Variants in PCDH11X observed in about 807,000 individuals in gnomAD.
PCDH11X encodes protocadherin-11 X-linked.
Under a neutral mutation model 53.3 loss-of-function variants are expected in PCDH11X, and 18 were observed. The ratio of observed to expected loss-of-function variants is 0.34; its 90% CI spans 0.23 to 0.50. The LOEUF (loss-of-function observed/expected upper bound fraction) is 0.50. PCDH11X is among the 20% of genes least tolerant of loss of function. The pLI is 0.98. For synonymous variants in PCDH11X, 279 were observed against 393.3 expected, an observed-to-expected ratio of 0.71 and a Z score of 3.44; for missense variants, 570 against 1,032.4, an observed-to-expected ratio of 0.55 and a Z score of 6.14.
chrX:92,395,174 A>G (rs1254981743), intron 9 of PCDH11X, among the ~76,000 whole-genome samples: 1 of 111,097 alleles, frequency 9.0e-6, no homozygotes, highest in African/African-American at 3.3e-5. Flanking sequence ...AAATGTTTGT[A>G]TGTTATCTAA....
intron 8 of PCDH11X, among the ~76,000 whole-genome samples, chrX:92,383,676 T>C (rs1236461289): frequency 1.8e-5 from 2 of 111,952 alleles, no homozygotes; most frequent in African/African-American, 6.5e-5. Flanking sequence ...TATGGCTGCA[T>C]AGTATTCCAT....
intron 10 of PCDH11X, among the ~76,000 whole-genome samples, chrX:92,487,810 T>G (rs1490626264): frequency 1.8e-5 from 2 of 111,429 alleles, no homozygotes; most frequent in African/African-American, 6.5e-5. Flanking sequence ...CATTTTTGTC[T>G]GTGAATCCAT....
intron 10 of PCDH11X, among the ~76,000 whole-genome samples, chrX:92,559,394 G>C (rs2145186): frequency 9.1e-6 from 1 of 109,998 alleles, no homozygotes; most frequent in South Asian, 3.9e-4. Context: ...TATAAGCCTA[G>C]GCTGTTTATC....
At chrX:91,895,780 A>G (rs1179294427) in intron 6 of PCDH11X, among the ~76,000 whole-genome samples, 1 of 107,526 alleles carries the variant, frequency 9.3e-6, no homozygotes, top group African/African-American at 3.3e-5. Flanking sequence ...TATGTGTATC[A>G]TATATTCATT....
chrX:92,008,182 A>C (rs962205956), intron 6 of PCDH11X, among the ~76,000 whole-genome samples: 1 of 110,824 alleles, frequency 9.0e-6, no homozygotes, highest in Admixed American at 9.6e-5. Context: ...AGGTTTCTTC[A>C]GTTTTCTGTC....
Position 92,264,105 on chromosome X carries a change from C to T in PCDH11X, c.3144+962C>T, listed in dbSNP as rs143391512. On this transcript the variant is annotated intron_variant, in intron 8 of 10. Transcript: ENST00000682573. ...TTCTAGCTTAAGAAACCACACTTTA[C>T]GTTTGAAAAAGCACTTGCCAGAGAG... Among the ~76,000 whole-genome samples, 504 of 111,987 alleles carry T rather than the reference C, an allele frequency of 4.5e-3. 3 individuals are homozygous for T. Among genetic ancestry groups the T allele is most frequent in the African/African-American group, 8.7e-3 (270 of 30,930 alleles).
At chrX:92,293,525 G>C (rs1426118588) in intron 8 of PCDH11X, among the ~76,000 whole-genome samples, 1 of 108,336 alleles carries the variant, frequency 9.2e-6, no homozygotes, top group African/African-American at 3.4e-5. Context: ...TCGGGAGGCT[G>C]AGGCAGGAGA....
At chrX:91,907,434 G>GAGAA (rs1941222395) in intron 6 of PCDH11X, among the ~76,000 whole-genome samples, 1 of 99,145 alleles carries the variant, frequency 1.0e-5, no homozygotes, top group South Asian at 5.1e-4. Context: ...GAGAGAGAGA[G>GAGAA]AGAGAGAGGC....
intron 6 of PCDH11X, among the ~76,000 whole-genome samples, chrX:92,124,260 G>A (rs1310982519): frequency 1.8e-5 from 2 of 110,841 alleles, no homozygotes; most frequent in African/African-American, 6.6e-5. Context: ...AATAGGCCTA[G>A]TACAAGCCAG....
intron 8 of PCDH11X, among the ~76,000 whole-genome samples, chrX:92,287,347 C>G (rs1361478214): frequency 9.0e-6 from 1 of 110,886 alleles, no homozygotes; most frequent in Non-Finnish European, 1.9e-5. Flanking sequence ...TGTCCACCAC[C>G]CCCTGACAGG....
chrX:92,569,978 T>C (rs1417863778), intron 10 of PCDH11X, among the ~76,000 whole-genome samples: 2 of 98,816 alleles, frequency 2.0e-5, no homozygotes, highest in African/African-American at 7.5e-5. Context: ...ATCGCACCAT[T>C]GTACTCCAGC....
chrX:92,321,455 CA>C (rs2069207063), intron 8 of PCDH11X, among the ~76,000 whole-genome samples: 1 of 110,838 alleles, frequency 9.0e-6, no homozygotes, highest in Admixed American at 9.6e-5. Flanking sequence ...CTTGGCCTCC[CA>C]AAGTGCTGGG....
At chrX:92,344,612 CATA>C (rs1453307224) in intron 8 of PCDH11X, among the ~76,000 whole-genome samples, 1 of 99,046 alleles carries the variant, frequency 1.0e-5, no homozygotes, top group African/African-American at 3.9e-5. Context: ...TATTGTTGAT[CATA>C]ATAACTTTTA....
At chrX:91,801,421 G>A (rs1197159311) in intron 1 of PCDH11X, among the ~76,000 whole-genome samples, 2 of 110,358 alleles carry the variant, frequency 1.8e-5, no homozygotes, top group Non-Finnish European at 3.8e-5. Flanking sequence ...TTCTTCAACA[G>A]AAACTGTTTG....
chrX:92,099,032 C>T (rs1217611624), intron 6 of PCDH11X, among the ~76,000 whole-genome samples: 1 of 112,099 alleles, frequency 8.9e-6, no homozygotes, highest in Non-Finnish European at 1.9e-5. Context: ...ATACTGGCCA[C>T]ATCAAGCATG....
intron 10 of PCDH11X, among the ~76,000 whole-genome samples, chrX:92,589,199 A>G (rs1316677858): frequency 9.0e-6 from 1 of 111,489 alleles, no homozygotes; most frequent in Non-Finnish European, 1.9e-5. Flanking sequence ...AAAAAATGCT[A>G]GAGGGTGTAC....
At chrX:91,993,603 C>T (rs1355750036) in intron 6 of PCDH11X, among the ~76,000 whole-genome samples, 8 of 111,034 alleles carry the variant, frequency 7.2e-5, no homozygotes, top group Non-Finnish European at 1.3e-4. Flanking sequence ...TTTTCTCCCC[C>T]TCCTTTAGAG....
Position 91,824,250 on chromosome X carries a change from G to C in PCDH11X, c.-44-11211G>C, listed in dbSNP as rs770968406. Among the ~76,000 whole-genome samples the C allele has an allele frequency of 9.3e-3, 1,033 of 111,029 alleles. 19 individuals are homozygous for C. The highest frequency in any genetic ancestry group is 0.031 in the African/African-American group (957 of 30,412). The stretch of plus-strand genomic sequence containing the variant: ...TTGCTAGATTGGGGAAGTTCTCCTG[G>C]ATAATATCCTGCAGAGTGTTTTCCA... On this transcript the variant is annotated intron_variant, in intron 4 of 10. Coordinates refer to ENST00000682573, the MANE Select transcript of PCDH11X (RefSeq NM_032968.5).
chrX:92,255,992 C>T (rs2067570936), intron 7 of PCDH11X, among the ~76,000 whole-genome samples: 1 of 112,343 alleles, frequency 8.9e-6, no homozygotes. Context: ...GCTTTGTTTA[C>T]CTAAGGAAGC....
Sources: gnomAD v4.1 joint callset for allele counts (sites outside exome capture counted in the v4.1 genomes callset) on GRCh38, gnomAD v4.1.1 for gene constraint, MANE v1.5 for transcripts, NCBI Gene and HGNC (gene_info 2026-07-23, HGNC 2026-07-21) for gene names.